Variants in SGCD observed in about 807,000 individuals in gnomAD.
SGCD encodes the protein sarcoglycan delta.
In SGCD, 18 loss-of-function variants were observed where a neutral mutation model predicts 36.6. That is an observed-to-expected ratio of 0.49 (90% CI 0.34 to 0.73). SGCD has a LOEUF of 0.73. Among genes scored for constraint, SGCD ranks in the 30% least tolerant of loss-of-function variants. The pLI is 0.01. For synonymous variants in SGCD, 133 were observed against 130.6 expected, an observed-to-expected ratio of 1.02 and a Z score of -0.12; for missense variants, 387 against 346.7, an observed-to-expected ratio of 1.12 and a Z score of -0.92.
chr5:155,954,304 G>C (rs956222745), intron 1 of SGCD, among the ~76,000 whole-genome samples: 1 of 152,148 alleles, frequency 6.6e-6, no homozygotes. Context: ...GCACGCTTTT[G>C]CTTCTTAGGT....
chr5:156,612,064 C>G (rs1761835517), intron 6 of SGCD, among the ~76,000 whole-genome samples: 1 of 152,006 alleles, frequency 6.6e-6, no homozygotes, highest in African/African-American at 2.4e-5. Context: ...TTCAGGAATT[C>G]TATACATTTT....
intron 1 of SGCD, among the ~76,000 whole-genome samples, chr5:155,908,972 A>G (rs1466371208): frequency 1.3e-5 from 2 of 152,158 alleles, no homozygotes; most frequent in Admixed American, 6.6e-5. Flanking sequence ...AATAGGACAT[A>G]TGTCCTGCTG....
At chr5:156,593,356 G>C (rs1760799061) in intron 5 of SGCD, among the ~76,000 whole-genome samples, 1 of 152,070 alleles carries the variant, frequency 6.6e-6, no homozygotes, top group African/African-American at 2.4e-5. Flanking sequence ...CACCAGACAA[G>C]GCTGTTCAGT....
the SGCD span, among the ~76,000 whole-genome samples, chr5:155,776,651 A>AC: frequency 2.6e-5 from 2 of 75,690 alleles, no homozygotes; most frequent in Admixed American, 2.6e-4. Context: ...CCCCCGCCCC[A>AC]CCTCCAGCCC....
At chr5:156,504,392 GTATATATATATATA>G (rs59580975) in intron 3 of SGCD, among the ~76,000 whole-genome samples, 6,642 of 75,072 alleles carry the variant, frequency 0.088, 243 homozygotes, top group East Asian at 0.27. Context: ...GTGTGTGTGT[GTATATATATATATA>G]TATATATATA....
At chr5:155,988,150 G>A (rs1052254044) in intron 1 of SGCD, among the ~76,000 whole-genome samples, 1 of 152,090 alleles carries the variant, frequency 6.6e-6, no homozygotes, top group Admixed American at 6.6e-5. Context: ...ATATATTGGT[G>A]CTTTCTGAGT....
rs546954725 is a variant in SGCD, at chr5:156,470,966, C to CTTT, written c.193-37628_193-37626dup. Among the ~76,000 whole-genome samples, 10 of 151,072 alleles carry CTTT rather than the reference C, an allele frequency of 6.6e-5. No individual in the cohort carries two copies. The South Asian group carries it at 1.2e-3, about 19-fold the overall frequency. On this transcript the variant is annotated intron_variant, in intron 3 of 8. Transcript: ENST00000337851. ...AGCTCAATCAAAATCCCTAAGCCTT[C>CTTT]TTTTTTTTTGATGTTGAATCTGAAG...
At position 156,071,048 on chromosome 5, in the gene SGCD, G is replaced by T. The variant is rs1221468117; in HGVS notation, c.-281-46830G>T. On this transcript the variant is annotated intron_variant, in intron 1 of 9. Coordinates refer to the SGCD transcript ENST00000517913. The stretch of plus-strand genomic sequence containing the variant: ...TTCTTCTTTATTAGTCTTGCTAGCG[G>T]TCTATCAATTTTGTTGATCCTTCCA... 2.6e-5 allele frequency among the ~76,000 whole-genome samples: 4 copies of T among 152,186 alleles called. No individual in the cohort carries two copies. The East Asian group carries it at 7.7e-4, about 29-fold the overall frequency.
At chr5:156,680,845 T>C (rs1044205749) in intron 7 of SGCD, among the ~76,000 whole-genome samples, 1 of 152,184 alleles carries the variant, frequency 6.6e-6, no homozygotes, top group Admixed American at 6.5e-5. Context: ...TGCATAATGC[T>C]GAGACAGGAT....
chr5:155,961,588 C>T (rs1277898752), intron 1 of SGCD, among the ~76,000 whole-genome samples: 1 of 152,076 alleles, frequency 6.6e-6, no homozygotes, highest in Non-Finnish European at 1.5e-5. Flanking sequence ...TCCAATTAGC[C>T]ATGCTGTGTG....
chr5:156,531,601 C>CATTG (rs1454459270), intron 4 of SGCD, among the ~76,000 whole-genome samples: 3 of 152,098 alleles, frequency 2.0e-5, no homozygotes, highest in Non-Finnish European at 2.9e-5. Flanking sequence ...GATCCAGCAA[C>CATTG]ATTGATTATA....
rs1757992604 is a variant in SGCD at position 155,970,771 on chromosome 5, GT to G, written c.-282+100350del. ...GCATCACTGCAAGGTAGGCAGTATT[GT>G]TTCCATTTTACAGATAGTAAATTGA... On this transcript the variant is annotated intron_variant, in intron 1 of 9. Transcript: ENST00000517913. 2.6e-5 allele frequency among the ~76,000 whole-genome samples: 4 copies of G among 152,270 alleles called. No individual in the cohort carries two copies. The South Asian group carries it at 8.3e-4, about 32-fold the overall frequency.
At chr5:156,196,976 T>C (rs1764037741) in intron 3 of SGCD, among the ~76,000 whole-genome samples, 1 of 152,164 alleles carries the variant, frequency 6.6e-6, no homozygotes, top group South Asian at 2.1e-4. Context: ...TTGCACTTAG[T>C]TTATTAATAT....
At chr5:156,735,542 G>A (rs905385352) in intron 7 of SGCD, among the ~76,000 whole-genome samples, 1 of 152,148 alleles carries the variant, frequency 6.6e-6, no homozygotes, top group Non-Finnish European at 1.5e-5. Flanking sequence ...TTGTAGAGCA[G>A]CTGTGTTGTG....
chr5:156,007,109 T>G (rs997728316), intron 1 of SGCD, among the ~76,000 whole-genome samples: 1 of 152,220 alleles, frequency 6.6e-6, no homozygotes, highest in Non-Finnish European at 1.5e-5. Flanking sequence ...CCCTGGTCTA[T>G]TCCGCAGGAT....
intron 3 of SGCD, among the ~76,000 whole-genome samples, chr5:156,376,880 G>A (rs1224747537): frequency 6.6e-6 from 1 of 152,030 alleles, no homozygotes; most frequent in African/African-American, 2.4e-5. Context: ...TTTGTTGACA[G>A]TGGTGAAAAC....
intron 1 of SGCD, among the ~76,000 whole-genome samples, chr5:156,043,897 CAACA>C (rs1450987077): frequency 5.9e-5 from 9 of 152,044 alleles, no homozygotes; most frequent in African/African-American, 2.2e-4. Flanking sequence ...GTCAGTTAAT[CAACA>C]AACATTTATT....
At chr5:155,916,634 A>T (rs1398111869) in intron 1 of SGCD, among the ~76,000 whole-genome samples, 1 of 152,200 alleles carries the variant, frequency 6.6e-6, no homozygotes, top group Non-Finnish European at 1.5e-5. Flanking sequence ...GCAGGACAGT[A>T]ATATAGCTCA....
At chr5:156,286,425 A>C (rs987288164) in intron 3 of SGCD, among the ~76,000 whole-genome samples, 15 of 152,350 alleles carry the variant, frequency 9.8e-5, no homozygotes, top group Admixed American at 9.1e-4. Context: ...GAACCACCCC[A>C]AATGTCCAAC....
Sources: gnomAD v4.1 joint callset for allele counts (sites outside exome capture counted in the v4.1 genomes callset) on GRCh38, gnomAD v4.1.1 for gene constraint, MANE v1.5 for transcripts, NCBI Gene and HGNC (gene_info 2026-07-23, HGNC 2026-07-21) for gene names.